Variants in CSNK1G2 observed in about 807,000 individuals in gnomAD.
CSNK1G2 encodes casein kinase I isoform gamma-2.
A neutral mutation model predicts 48.0 loss-of-function variants in CSNK1G2; 11 were observed. The observed-to-expected ratio is 0.23, with a 90% CI of 0.14 to 0.38. The LOEUF (loss-of-function observed/expected upper bound fraction) is 0.38, where lower values mean the gene tolerates loss of function less well. CSNK1G2 is among the 10% of genes least tolerant of loss of function. The probability of loss-of-function intolerance (pLI) is 1.00; values close to 1 mark genes in which losing one functional copy is unlikely to be tolerated. For missense variants in CSNK1G2, 446 were observed against 595.5 expected (o/e 0.75, Z 2.61); for synonymous variants, 337 against 254.1 (o/e 1.33, Z -3.10).
At chr19:1,967,322 C>T (rs2015394821) in intron 1 of CSNK1G2, among the ~76,000 whole-genome samples, 1 of 152,170 alleles carries the variant, frequency 6.6e-6, no homozygotes, top group Non-Finnish European at 1.5e-5. Context: ...GCACCCACGG[C>T]CCCTCTTCAC....
intron 1 of CSNK1G2, among the ~76,000 whole-genome samples, chr19:1,944,008 T>C (rs1275338179): frequency 6.6e-6 from 1 of 152,038 alleles, no homozygotes; most frequent in East Asian, 1.9e-4. Context: ...TGGCTGACTT[T>C]CTCTGAACCC....
chr19:1,944,061 C>T (rs2014464792), intron 1 of CSNK1G2, among the ~76,000 whole-genome samples: 1 of 152,060 alleles, frequency 6.6e-6, no homozygotes. Context: ...TGGCCCGAGT[C>T]CTGGTTAGGG....
chr19:1,947,744 T>C (rs1164063887), intron 1 of CSNK1G2, among the ~76,000 whole-genome samples: 1 of 152,182 alleles, frequency 6.6e-6, no homozygotes, highest in Non-Finnish European at 1.5e-5. Context: ...GTGGTGTGCG[T>C]TTGCGCTGGC....
chr19:1,979,387 C>G lies in CSNK1G2; in HGVS notation c.837C>G (p.Leu279=). 3 of 1,593,094 alleles carry G rather than the reference C, an allele frequency of 1.9e-6. No homozygotes were observed. The highest frequency in any genetic ancestry group is 2.6e-6 in the Non-Finnish European group (3 of 1,171,834). The change falls in exon 8 of 12, where the codon CTC becomes CTG. Residue 279 remains leucine (L), a synonymous_variant. Coordinates refer to ENST00000255641, the MANE Select transcript of CSNK1G2 (RefSeq NM_001319.7). ...AACGCGCCACGCCCATCGAGGTGCT[C>G]TGCGAGAACTTCCCAGGTAAGGGGT... ...DTKRATPIEV[L]CENFPEEMAT...
intron 1 of CSNK1G2, among the ~76,000 whole-genome samples, chr19:1,943,353 G>C (rs1030664353): frequency 1.6e-4 from 25 of 152,228 alleles, no homozygotes; most frequent in African/African-American, 5.3e-4. Context: ...CTCTGGGCAG[G>C]TCTGGGAGCC....
chr19:1,972,561 CTT>C (rs1352245731), intron 2 of CSNK1G2, among the ~76,000 whole-genome samples: 15 of 152,192 alleles, frequency 9.9e-5, no homozygotes, highest in Admixed American at 9.8e-4. Flanking sequence ...TTCAAATTAA[CTT>C]TGGAAAAATG....
At position 1,980,435 on chromosome 19, in the gene CSNK1G2, C is replaced by T. The variant is rs554269464; in HGVS notation, c.*232C>T. On this transcript the variant is annotated 3_prime_UTR_variant, in exon 12 of 12. Transcript: ENST00000255641. ...TTTCTACACCTGTGTCTAGTCCTCC[C>T]CTCCAAGAGCATTAACTATTTAAAA... 58 of 600,632 alleles carry T rather than the reference C, an allele frequency of 9.7e-5. No individual in the cohort carries two copies. The highest frequency in any genetic ancestry group is 6.7e-4 in the Admixed American group (22 of 32,850). 37.2% of individuals were successfully genotyped at this position (600,632 alleles called of 1,614,324 possible). A position where few individuals can be genotyped will look rare whatever the true frequency, so the allele number is the denominator to read the frequency against.
Position 1,978,057 on chromosome 19 carries a change from C to T in CSNK1G2, c.188-248C>T, listed in dbSNP as rs1222595430. On this transcript the variant is annotated intron_variant, in intron 2 of 11. Coordinates refer to ENST00000255641, the MANE Select transcript of CSNK1G2 (RefSeq NM_001319.7). This position sits in a 1 kb window ranked among gnomAD's most constrained non-coding sequence, Gnocchi z 7.3. ...GTCCTGGGCTAGGGAGGTGGGGGGGCGGGGGAGGAGGAGTGGCAGACACTG... is the reference window on the plus strand; with the variant it reads ...GTCCTGGGCTAGGGAGGTGGGGGGGTGGGGGAGGAGGAGTGGCAGACACTG... Among the ~76,000 whole-genome samples the T allele has an allele frequency of 7.3e-6, 1 of 136,068 alleles. No homozygotes were observed. Among genetic ancestry groups the T allele is most frequent in the Non-Finnish European group, 1.6e-5 (1 of 62,906 alleles). The allele number at this position is 136,068 out of a possible 152,430, so 89.3% of individuals were successfully genotyped here.
At chr19:1,958,115 A>G (rs1472287012) in intron 1 of CSNK1G2, among the ~76,000 whole-genome samples, 5 of 151,890 alleles carry the variant, frequency 3.3e-5, no homozygotes. Flanking sequence ...GCAGGTCTGG[A>G]GGCGTTGGAA....
At chr19:1,943,123 TGCAGGACCGTGCAGCGG>T (rs1038984861) in intron 1 of CSNK1G2, among the ~76,000 whole-genome samples, 11 of 152,330 alleles carry the variant, frequency 7.2e-5, no homozygotes, top group Middle Eastern at 3.4e-3. Flanking sequence ...CCATGTGTCC[TGCAGGACCGTGCAGCGG>T]GCAAATGGGG....
rs543059875 is a variant in CSNK1G2, at chr19:1,958,453, C to T, written c.-265-11055C>T. On this transcript the variant is annotated intron_variant, in intron 1 of 11. Coordinates refer to ENST00000255641, the MANE Select transcript of CSNK1G2 (RefSeq NM_001319.7). Reference sequence around the variant, plus strand: ...TCCCAGGCACTGTCCCCTGTCCCCCCATCTCCCCTGTCCCCCCCATCTCCC... The same window carrying T: ...TCCCAGGCACTGTCCCCTGTCCCCCTATCTCCCCTGTCCCCCCCATCTCCC... 5.6e-4 allele frequency among the ~76,000 whole-genome samples: 73 copies of T among 131,204 alleles called. 1 individual carries two copies. Among genetic ancestry groups the T allele is most frequent in the African/African-American group, 1.9e-3 (64 of 34,510 alleles). The allele number at this position is 131,204 out of a possible 152,430, so 86.1% of individuals were successfully genotyped here.
intron 1 of CSNK1G2, among the ~76,000 whole-genome samples, chr19:1,947,755 G>A (rs528613764): frequency 1.6e-4 from 25 of 152,348 alleles, no homozygotes; most frequent in East Asian, 3.9e-4. Context: ...TTGCGCTGGC[G>A]TCTGCACAGG....
chr19:1,962,262 C>CAG (rs35573534), intron 1 of CSNK1G2, among the ~76,000 whole-genome samples: 32,801 of 150,476 alleles, frequency 0.22, 5,941 homozygotes, highest in African/African-American at 0.5. Flanking sequence ...ACCTGGGAGG[C>CAG]AGAGGTTACA....
chr19:1,946,523 C>G (rs2014570000), intron 1 of CSNK1G2, among the ~76,000 whole-genome samples: 1 of 150,824 alleles, frequency 6.6e-6, no homozygotes, highest in Non-Finnish European at 1.5e-5. Flanking sequence ...GATCTCCTGA[C>G]CTCGTGATCT....
At position 1,978,204 on chromosome 19, in the gene CSNK1G2, C is replaced by A; in HGVS notation, c.188-101C>A. On this transcript the variant is annotated intron_variant, in intron 2 of 11. Transcript: ENST00000255641. The surrounding 1 kb of genome is among the most constrained non-coding windows in gnomAD (Gnocchi z 7.3). ...CAGTGGTGTCATTTGGAGGGTGGTC[C>A]TTCAGGGACCCCCTCCTGCCTCCTG... is the stretch of plus-strand genomic sequence containing the variant. 5.6e-6 allele frequency: 7 copies of A among 1,251,022 alleles called. No individual in the cohort carries two copies. Among genetic ancestry groups the A allele is most frequent in the Non-Finnish European group, 8.2e-6 (7 of 858,152 alleles). 77.5% of individuals were successfully genotyped at this position (1,251,022 alleles called of 1,614,324 possible). A position where few individuals can be genotyped will look rare whatever the true frequency, so the allele number is the denominator to read the frequency against.
Position 1,980,332 on chromosome 19 carries a change from G to A in CSNK1G2, c.*129G>A. 1 of 1,172,670 alleles carries A rather than the reference G, an allele frequency of 8.5e-7. No individual in the cohort carries two copies. The highest frequency in any genetic ancestry group is 1.2e-6 in the Non-Finnish European group (1 of 801,820). 72.6% of individuals were successfully genotyped at this position (1,172,670 alleles called of 1,614,324 possible). ...CTGGCTGGAAGCCAGAACGCAGACT[G>A]CAGGGGCCGCGCCTGGCTCAGGCGG... On this transcript the variant is annotated 3_prime_UTR_variant, in exon 12 of 12. Coordinates refer to ENST00000255641, the MANE Select transcript of CSNK1G2 (RefSeq NM_001319.7).
Position 1,981,280 on chromosome 19 carries a change from C to T in CSNK1G2, c.*1077C>T, listed in dbSNP as rs1349657802. 6.6e-6 allele frequency: 1 copy of T among 152,170 alleles called. No homozygotes were observed. Among genetic ancestry groups the T allele is most frequent in the African/African-American group, 2.4e-5 (1 of 41,420 alleles). 9.4% of individuals were successfully genotyped at this position (152,170 alleles called of 1,614,324 possible). ...TGGCATTTACGTTTCTCTGATGCTC[C>T]CTTGAAGCCATAGAATTTAGGGGCT... On this transcript the variant is annotated 3_prime_UTR_variant, in exon 12 of 12. Transcript: ENST00000255641.
At chr19:1,977,330 C>T (rs527915382) in intron 2 of CSNK1G2, among the ~76,000 whole-genome samples, 2 of 152,320 alleles carry the variant, frequency 1.3e-5, no homozygotes, top group South Asian at 2.1e-4. Context: ...TAGGCTCACC[C>T]CTCGGGTGCT....
intron 1 of CSNK1G2, chr19:1,942,656 C>T (rs1478261173): frequency 6.6e-6 from 1 of 152,140 alleles, no homozygotes; most frequent in Non-Finnish European, 1.5e-5. Flanking sequence ...GCCGTCCCGC[C>T]ACGGGAAGGC....
Sources: gnomAD v4.1 joint callset for allele counts (sites outside exome capture counted in the v4.1 genomes callset) on GRCh38, gnomAD v4.1.1 for gene constraint, Gnocchi (gnomAD v3.1) non-coding constraint, MANE v1.5 for transcripts, NCBI Gene and HGNC (gene_info 2026-07-23, HGNC 2026-07-21) for gene names.